Variants in ETF1 observed in about 807,000 individuals in gnomAD.
ETF1 encodes eukaryotic peptide chain release factor subunit 1.
In ETF1, 4 loss-of-function variants were observed where a neutral mutation model predicts 55.1. The observed-to-expected ratio is 0.07, with a 90% CI of 0.04 to 0.17. ETF1 has a LOEUF of 0.17. ETF1 is among the 10% of genes least tolerant of loss of function. The pLI is 1.00. For synonymous variants in ETF1, 157 were observed against 182.3 expected (o/e 0.86, Z 1.12); for missense variants, 142 against 523.6 (o/e 0.27, Z 7.11).
In ETF1 at chr5:138,542,945, G is replaced by A. The variant is rs1262328893; in HGVS notation, c.-18-9C>T. 6.2e-7 allele frequency: 1 copy of A among 1,611,354 alleles called. No individual in the cohort carries two copies. The highest frequency in any genetic ancestry group is 8.5e-7 in the Non-Finnish European group (1 of 1,179,038). On this transcript the variant is annotated splice_polypyrimidine_tract_variant and intron_variant, in intron 1 of 10. Coordinates refer to ENST00000360541, the MANE Select transcript of ETF1 (RefSeq NM_004730.4). ...TTCTCGCCTCCTCCTCCCTAGAGCG[G>A]CCCGGCGGGGCCCGGAGACACCAAG...
chr5:138,525,132 T>C (rs561952456), intron 2 of ETF1, among the ~76,000 whole-genome samples: 4 of 151,986 alleles, frequency 2.6e-5, no homozygotes, highest in Admixed American at 6.6e-5. Context: ...AATTTTATCA[T>C]GTTAAGAAAA....
At position 138,520,899 on chromosome 5, in the gene ETF1, T is replaced by C. The variant is rs191815619; in HGVS notation, c.87-2032A>G. The stretch of plus-strand genomic sequence containing the variant: ...GTGCATTGCCAGTGGGAATATAAAA[T>C]GGTACAGCCATGTGGGATAAGTGTG... On this transcript the variant is annotated intron_variant, in intron 2 of 10. Coordinates refer to ENST00000360541, the MANE Select transcript of ETF1 (RefSeq NM_004730.4). Among the ~76,000 whole-genome samples the C allele has an allele frequency of 4.0e-3, 606 of 152,154 alleles. 1 individual carries two copies. The highest frequency in any genetic ancestry group is 0.013 in the African/African-American group (547 of 41,504).
chr5:138,525,634 C>T (rs565677498), intron 2 of ETF1, among the ~76,000 whole-genome samples: 29 of 152,000 alleles, frequency 1.9e-4, no homozygotes, highest in African/African-American at 5.8e-4. Flanking sequence ...TGATATGAAC[C>T]GAAGCACACT....
At chr5:138,536,946 C>T (rs1251319671) in intron 2 of ETF1, among the ~76,000 whole-genome samples, 3 of 152,190 alleles carry the variant, frequency 2.0e-5, no homozygotes, top group African/African-American at 4.8e-5. Flanking sequence ...TAATTATGTA[C>T]TCTTGCTTAC....
At chr5:138,524,817 C>T (rs1765397543) in intron 2 of ETF1, among the ~76,000 whole-genome samples, 2 of 152,000 alleles carry the variant, frequency 1.3e-5, no homozygotes, top group African/African-American at 4.8e-5. Context: ...ACTTCATGAT[C>T]CGCCCGCCTT....
chr5:138,517,036 A>C (rs1765048335), intron 4 of ETF1, among the ~76,000 whole-genome samples: 1 of 152,206 alleles, frequency 6.6e-6, no homozygotes, highest in Non-Finnish European at 1.5e-5. Flanking sequence ...AAAGTAAAAG[A>C]AGCCAGTCAC....
chr5:138,515,238 C>A (rs761823445), intron 4 of ETF1, among the ~76,000 whole-genome samples: 57 of 152,048 alleles, frequency 3.7e-4, no homozygotes, highest in African/African-American at 1.3e-3. Context: ...ACCAGCCTAG[C>A]CAACATGGTG....
Position 138,513,605 on chromosome 5 carries a change from G to A in ETF1, c.504C>T (p.Val168=), listed in dbSNP as rs1314049515. 4.3e-6 allele frequency: 7 copies of A among 1,610,312 alleles called. No individual in the cohort carries two copies. The highest frequency in any genetic ancestry group is 5.9e-6 in the Non-Finnish European group (7 of 1,177,068). ...GGAGATCCACAGTGAATTTGTGCAGGACTTCTCTTGTGTTTCCTTGGAGTG... is the reference window on the plus strand; with the variant it reads ...GGAGATCCACAGTGAATTTGTGCAGAACTTCTCTTGTGTTTCCTTGGAGTG... The part of the protein sequence containing the change: ...FGTLQGNTRE[V]LHKFTVDLPK... Residue 168 remains valine (V), a synonymous_variant, in exon 5 of 11, where the codon GTC becomes GTT. Transcript: ENST00000360541.
intron 6 of ETF1, among the ~76,000 whole-genome samples, chr5:138,512,197 CAAAAAAAAA>C (rs58386195): frequency 1.1e-3 from 3 of 2,842 alleles, no homozygotes; most frequent in East Asian, 0.028. Context: ...GACCCAGTCT[CAAAAAAAAA>C]AAAAAAAAAA....
intron 2 of ETF1, among the ~76,000 whole-genome samples, chr5:138,520,773 T>C (rs554758038): frequency 2.8e-4 from 43 of 151,964 alleles, no homozygotes; most frequent in Non-Finnish European, 4.4e-4. Flanking sequence ...TGAGCTATGA[T>C]TTGCCACTGC....
chr5:138,535,679 C>T (rs1385211259), intron 2 of ETF1, among the ~76,000 whole-genome samples: 1 of 148,490 alleles, frequency 6.7e-6, no homozygotes, highest in East Asian at 2.0e-4. Context: ...TGAGATCACG[C>T]CACTGCACTC....
At position 138,506,260 on chromosome 5, in the gene ETF1, ATT is replaced by A. The variant is rs1764554666; in HGVS notation, c.*2043_*2044del. Reference sequence around the variant, plus strand: ...GTAAGTGTAATACATATCAATATATATTGATACACACATCAATATATAATGCA... The same window carrying A: ...GTAAGTGTAATACATATCAATATATAGATACACACATCAATATATAATGCA... On this transcript the variant is annotated 3_prime_UTR_variant, in exon 11 of 11. Coordinates refer to ENST00000360541, the MANE Select transcript of ETF1 (RefSeq NM_004730.4). 1 of 152,656 alleles carries A rather than the reference ATT, an allele frequency of 6.6e-6. No individual in the cohort carries two copies. The highest frequency in any genetic ancestry group is 6.5e-5 in the Admixed American group (1 of 15,276). The allele number at this position is 152,656 out of a possible 1,614,324, so 9.5% of individuals were successfully genotyped here. A position where few individuals can be genotyped will look rare whatever the true frequency, so the allele number is the denominator to read the frequency against.
chr5:138,509,137 C>T, intron 9 of ETF1: 1 of 985,282 alleles, frequency 1.0e-6, no homozygotes, highest in Non-Finnish European at 1.2e-6. Flanking sequence ...CTAAGCAGCA[C>T]CCATTCAATG....
intron 9 of ETF1, among the ~76,000 whole-genome samples, chr5:138,509,970 G>A (rs1037938258): frequency 7.3e-5 from 11 of 150,680 alleles, no homozygotes; most frequent in African/African-American, 9.8e-5. Context: ...TGAGGCAGAA[G>A]GATTGCCTGA....
intron 4 of ETF1, among the ~76,000 whole-genome samples, chr5:138,514,631 C>CAT (rs1764943258): frequency 6.6e-6 from 1 of 150,818 alleles, no homozygotes; most frequent in Non-Finnish European, 1.5e-5. Flanking sequence ...CAGTAGCCAT[C>CAT]ATAGCTCACT....
chr5:138,535,086 G>C (rs1220278545), intron 2 of ETF1, among the ~76,000 whole-genome samples: 3 of 151,050 alleles, frequency 2.0e-5, no homozygotes, highest in African/African-American at 7.3e-5. Context: ...GAGTAGCTGG[G>C]ATTACAGGCA....
intron 5 of ETF1, 124 bp downstream of exon 5, chr5:138,513,444 T>G (rs529799540): frequency 4.1e-5 from 35 of 863,930 alleles, no homozygotes; most frequent in Admixed American, 3.2e-4. Context: ...GACTTCGTGA[T>G]CCACCCGGCT....
At chr5:138,525,943 TAA>T (rs35058160) in intron 2 of ETF1, among the ~76,000 whole-genome samples, 7 of 133,804 alleles carry the variant, frequency 5.2e-5, no homozygotes, top group Admixed American at 1.6e-4. Flanking sequence ...AGACTCTGTT[TAA>T]AAAAAAAAAA....
In ETF1 at chr5:138,508,549, C is replaced by T. The variant is rs1764641768; in HGVS notation, c.1231+120G>A. On this transcript the variant is annotated intron_variant, in intron 10 of 10. Coordinates refer to ENST00000360541, the MANE Select transcript of ETF1 (RefSeq NM_004730.4). The stretch of plus-strand genomic sequence containing the variant: ...CCAAATTAGGAACCTGCACCTGCTG[C>T]GTCAATCACCTATCCCAGCAGATAA... The T allele has an allele frequency of 7.7e-6, 12 of 1,553,772 alleles. No individual in the cohort carries two copies. The Admixed American group carries it at 9.8e-5, about 13-fold the overall frequency.
Sources: allele counts gnomAD v4.1 joint callset (sites outside exome capture counted in the v4.1 genomes callset), GRCh38; gene constraint gnomAD v4.1.1; transcripts MANE v1.5; gene names NCBI Gene and HGNC (gene_info 2026-07-23, HGNC 2026-07-21).